Variants in PHB1 observed in about 807,000 individuals in gnomAD.
PHB1 encodes epididymis luminal protein 215.
chr17:49,413,514 T>A, the PHB1 span, among the ~76,000 whole-genome samples: 1 of 147,992 alleles, frequency 6.8e-6, no homozygotes, highest in African/African-American at 2.5e-5. Flanking sequence ...TTTCTTTCCT[T>A]TTTTTTTTTT....
the PHB1 span, among the ~76,000 whole-genome samples, chr17:49,413,651 G>T: frequency 2.1e-4 from 32 of 151,988 alleles, no homozygotes; most frequent in African/African-American, 7.2e-4. Flanking sequence ...TGGGACCACA[G>T]AAGTGTGCCA....
At chr17:49,413,093 C>G in the PHB1 span, 8 of 966,468 alleles carry the variant, frequency 8.3e-6, no homozygotes, top group Non-Finnish European at 1.3e-5. Context: ...ACGGCAGCTA[C>G]CATCAAGAGT....
At chr17:49,405,314 C>T in the PHB1 span, 13 of 897,348 alleles carry the variant, frequency 1.4e-5, no homozygotes, top group Admixed American at 6.9e-5. Context: ...TGAAGGAACT[C>T]GGGGAGTTTA....
At chr17:49,411,697 T>G in the PHB1 span, 1 of 1,614,134 alleles carries the variant, frequency 6.2e-7, no homozygotes, top group Non-Finnish European at 8.5e-7. Context: ...CAGTGATGAC[T>G]GGCACATTAC....
At chr17:49,408,466 C>T in the PHB1 span, among the ~76,000 whole-genome samples, 1 of 152,214 alleles carries the variant, frequency 6.6e-6, no homozygotes, top group Non-Finnish European at 1.5e-5. Flanking sequence ...GTTATGACAT[C>T]CAATGTCATA....
chr17:49,413,059 T>G, the PHB1 span: 6 of 733,026 alleles, frequency 8.2e-6, no homozygotes. Flanking sequence ...AGGTGAGCCC[T>G]CTTGGCCACA....
chr17:49,413,006 G>A, the PHB1 span: 5 of 580,746 alleles, frequency 8.6e-6, no homozygotes, highest in Non-Finnish European at 1.2e-5. Context: ...TGAAAGGTCA[G>A]GGGCTCTGAT....
At chr17:49,409,579 T>G in the PHB1 span, 1 of 923,870 alleles carries the variant, frequency 1.1e-6, no homozygotes, top group East Asian at 2.6e-5. Context: ...TTTGCTCTTG[T>G]TGCCTAGGCT....
At chr17:49,409,529 A>G in the PHB1 span, 4 of 1,296,612 alleles carry the variant, frequency 3.1e-6, no homozygotes, top group African/African-American at 3.1e-5. Flanking sequence ...TAGGAAAACA[A>G]GTGTTTTTTT....
At chr17:49,413,948 C>T in the PHB1 span, among the ~76,000 whole-genome samples, 1 of 152,050 alleles carries the variant, frequency 6.6e-6, no homozygotes, top group African/African-American at 2.4e-5. Context: ...GACAAGTAGG[C>T]CCCCAAAAAG....
At chr17:49,411,504 G>C in the PHB1 span, among the ~76,000 whole-genome samples, 1 of 152,088 alleles carries the variant, frequency 6.6e-6, no homozygotes, top group Non-Finnish European at 1.5e-5. Flanking sequence ...AGCCATAAGT[G>C]GGTATTTCTA....
the PHB1 span, chr17:49,404,325 T>C: frequency 6.5e-6 from 1 of 154,002 alleles, no homozygotes; most frequent in East Asian, 1.9e-4. Flanking sequence ...TCTCTCACTA[T>C]ACAAGTCCAT....
the PHB1 span, chr17:49,407,377 CA>C: frequency 2.5e-5 from 4 of 157,042 alleles, no homozygotes; most frequent in African/African-American, 9.6e-5. Context: ...GCAGCTCCAC[CA>C]CTGAACAGGA....
the PHB1 span, chr17:49,414,699 G>A: frequency 6.6e-6 from 1 of 152,246 alleles, no homozygotes; most frequent in East Asian, 1.9e-4. Context: ...GGCTCGTCCC[G>A]GGCTCAGCCC....
At chr17:49,411,619 G>C in the PHB1 span, 1 of 1,471,330 alleles carries the variant, frequency 6.8e-7, no homozygotes, top group South Asian at 1.2e-5. Context: ...CTGTGACACA[G>C]AAGAACAGAG....
the PHB1 span, chr17:49,409,542 T>TG: frequency 1.8e-5 from 18 of 1,024,642 alleles, no homozygotes; most frequent in Non-Finnish European, 2.4e-5. Context: ...GTTTTTTTTT[T>TG]GTTTTTTTTT....
the PHB1 span, chr17:49,411,799 A>C: frequency 5.0e-6 from 8 of 1,614,060 alleles, no homozygotes; most frequent in African/African-American, 9.3e-5. Flanking sequence ...CCTGCACTCC[A>C]CGGAATCGGT....
the PHB1 span, chr17:49,414,716 C>T: frequency 4.6e-5 from 7 of 152,500 alleles, no homozygotes; most frequent in Admixed American, 3.3e-4. Context: ...GCCCCTTCTC[C>T]CCTCCCTCAC....
At chr17:49,413,142 A>G in the PHB1 span, 43 of 1,470,610 alleles carry the variant, frequency 2.9e-5, no homozygotes, top group Non-Finnish European at 1.8e-5. Context: ...AACTCCTAGG[A>G]AAGTGCAGTG....
Sources: gnomAD v4.1 joint callset for allele counts (sites outside exome capture counted in the v4.1 genomes callset) on GRCh38, gnomAD v4.1.1 for gene constraint, MANE v1.5 for transcripts, NCBI Gene and HGNC (gene_info 2026-07-23, HGNC 2026-07-21) for gene names.